SHANK1: variants seen among roughly 807,000 people sequenced by gnomAD.
SHANK1 encodes SH3 and multiple ankyrin repeat domains protein 1.
Under a neutral mutation model 165.6 loss-of-function variants are expected in SHANK1, and 35 were observed. The observed-to-expected ratio is 0.21, with a 90% CI of 0.16 to 0.28. The LOEUF is 0.28. Ranked by LOEUF, SHANK1 falls within the 10% of genes least tolerant of loss-of-function variation. SHANK1 has a pLI of 1.00. For missense variants in SHANK1, 2,681 were observed against 3,036.4 expected (o/e 0.88, Z 2.75); for synonymous variants, 1,428 against 1,384.8 (o/e 1.03, Z -0.69).
rs992873445 is a variant in SHANK1, at chr19:50,670,726, C to T, written c.2674+1292G>A. On this transcript the variant is annotated intron_variant, in intron 22 of 23. Transcript: ENST00000293441. The surrounding 1 kb of genome is among the most constrained non-coding windows in gnomAD (Gnocchi z 4.1). Reference sequence around the variant, plus strand: ...CCTCAGGACCTTTGCAGAGGTAGTTCGCTCTGCCTGGAATGCCTCAACCCC... The same window carrying T: ...CCTCAGGACCTTTGCAGAGGTAGTTTGCTCTGCCTGGAATGCCTCAACCCC... Among the ~76,000 whole-genome samples, 7 of 152,174 alleles carry T rather than the reference C, an allele frequency of 4.6e-5. No individual in the cohort carries two copies. The highest frequency in any genetic ancestry group is 2.1e-4 in the South Asian group (1 of 4,832).
Position 50,697,072 on chromosome 19 carries a change from C to G in SHANK1, c.1964+24G>C. 6.2e-7 allele frequency: 1 copy of G among 1,601,660 alleles called. No individual in the cohort carries two copies. Among genetic ancestry groups the G allele is most frequent in the South Asian group, 1.1e-5 (1 of 90,756 alleles). ...CCGTCCTTCCCCTCCTGACCCCATC[C>G]CCTCCCTGCCCCTCGCCTCTCACCT... On this transcript the variant is annotated intron_variant, in intron 15 of 23. Coordinates refer to ENST00000293441, the MANE Select transcript of SHANK1 (RefSeq NM_016148.5). This position sits in a 1 kb window ranked among gnomAD's most constrained non-coding sequence, Gnocchi z 4.7.
intron 21 of SHANK1, among the ~76,000 whole-genome samples, chr19:50,679,907 G>T (rs1290217126): frequency 6.6e-6 from 1 of 151,890 alleles, no homozygotes; most frequent in African/African-American, 2.4e-5. Flanking sequence ...GAGATGGAGA[G>T]ACAGAGACAG....
Position 50,698,465 on chromosome 19 carries a change from T to C in SHANK1, c.1748-509A>G, listed in dbSNP as rs189404670. On this transcript the variant is annotated intron_variant, in intron 12 of 23. Transcript: ENST00000293441. The stretch of plus-strand genomic sequence containing the variant: ...CTCTAGAAGGGAAAAGAGATTAGCA[T>C]CACCTCTTTCCTTCTCTCCCTCTCC... Among the ~76,000 whole-genome samples the C allele has an allele frequency of 3.5e-3, 529 of 152,256 alleles. 2 individuals carry two copies. Among genetic ancestry groups the C allele is most frequent in the African/African-American group, 0.012 (478 of 41,538 alleles).
rs757479994 is a variant in SHANK1, at chr19:50,688,082, C to G, written c.2173-24G>C. On this transcript the variant is annotated intron_variant, in intron 17 of 23. Transcript: ENST00000293441. This position sits in a 1 kb window ranked among gnomAD's most constrained non-coding sequence, Gnocchi z 6.7. ...ACCTGTGGCACAGACACCCCCAGAT[C>G]ACACAGAGTAGACGAGGGGAGGGGT... The G allele has an allele frequency of 1.9e-6, 3 of 1,613,264 alleles. No individual in the cohort carries two copies. The highest frequency in any genetic ancestry group is 1.1e-5 in the South Asian group (1 of 91,062).
chr19:50,703,433 A>G, intron 11 of SHANK1, 67 bp downstream of exon 11: 1 of 1,370,084 alleles, frequency 7.3e-7, no homozygotes, highest in Non-Finnish European at 9.9e-7. Flanking sequence ...GCCTCGGGGG[A>G]AGCCGCCGAT....
At chr19:50,674,585 G>A (rs1014326966) in intron 21 of SHANK1, among the ~76,000 whole-genome samples, 5 of 151,976 alleles carry the variant, frequency 3.3e-5, no homozygotes, top group Admixed American at 1.3e-4. Flanking sequence ...ACCCTGGCCC[G>A]GCTACCCGCT....
At position 50,697,792 on chromosome 19, in the gene SHANK1, G is replaced by A. The variant is rs1212304893; in HGVS notation, c.1861+51C>T. On this transcript the variant is annotated intron_variant, in intron 13 of 23. Transcript: ENST00000293441. The surrounding 1 kb of genome is among the most constrained non-coding windows in gnomAD (Gnocchi z 4.7). ...ACCCCCATTAGGAAGGGAAAGGAGT[G>A]GACGTGGGAATCCTAGGGTCCATTG... 6.5e-7 allele frequency: 1 copy of A among 1,541,358 alleles called. No individual in the cohort carries two copies. Among genetic ancestry groups the A allele is most frequent in the Middle Eastern group, 1.7e-4 (1 of 5,898 alleles).
At chr19:50,701,422 A>T (rs1190144952) in intron 12 of SHANK1, among the ~76,000 whole-genome samples, 1 of 149,956 alleles carries the variant, frequency 6.7e-6, no homozygotes, top group Non-Finnish European at 1.5e-5. Flanking sequence ...CAAACTCCTG[A>T]TCTCAGGTGA....
chr19:50,689,301 T>TTTTG, intron 15 of SHANK1, 22 bp from the exon 16 acceptor site: 1 of 756,198 alleles, frequency 1.3e-6, no homozygotes, highest in Non-Finnish European at 2.0e-6. Flanking sequence ...GCAGGAGAAA[T>TTTTG]GGGGGGGTGG....
At position 50,672,124 on chromosome 19, in the gene SHANK1, G is replaced by A. The variant is rs1237185797; in HGVS notation, c.2578-10C>T. ...GGGGATCGAAGCTCGACTTTGGAGC[G>A]GCAGTCAGAGGGGGAGAGAGAGAAA... is the stretch of plus-strand genomic sequence containing the variant. On this transcript the variant is annotated splice_polypyrimidine_tract_variant and intron_variant, in intron 21 of 23. Transcript: ENST00000293441. 11 of 1,604,040 alleles carry A rather than the reference G, an allele frequency of 6.9e-6. No individual in the cohort carries two copies. Among genetic ancestry groups the A allele is most frequent in the Non-Finnish European group, 9.4e-6 (11 of 1,172,216 alleles).
rs1985089555 is a variant in SHANK1 at position 50,659,260 on chromosome 19, G to C, written c.*2705C>G. ...AGGAAGGAGGCGGGGCCGGCTCGAG[G>C]GGGTGGATACTGTGAGTTTAATTAT... On this transcript the variant is annotated 3_prime_UTR_variant, in exon 24 of 24. Transcript: ENST00000293441. The C allele has an allele frequency of 1.2e-6, 1 of 807,942 alleles. No homozygotes were observed. Among genetic ancestry groups the C allele is most frequent in the African/African-American group, 1.8e-5 (1 of 55,334 alleles). The allele number at this position is 807,942 out of a possible 1,614,324, so 50.0% of individuals were successfully genotyped here. A position where few individuals can be genotyped will look rare whatever the true frequency, so the allele number is the denominator to read the frequency against.
In SHANK1 at chr19:50,668,456, G is replaced by T; in HGVS notation, c.3504C>A (p.Ser1168Arg). 7.5e-7 allele frequency: 1 copy of T among 1,334,070 alleles called. No homozygotes were observed. Among genetic ancestry groups the T allele is most frequent in the East Asian group, 2.8e-5 (1 of 35,090 alleles). The allele number at this position is 1,334,070 out of a possible 1,614,324, so 82.6% of individuals were successfully genotyped here. Reference protein sequence around the residue: ...IIIKAPSTSSSGRSSQGSSTE... With the variant: ...IIIKAPSTSSRGRSSQGSSTE... ...TGCTGCTGCCCTGGCTGCTGCGGCC[G>T]CTGCTACTGGTGGACGGGGCCTTGA... Residue 1168 changes from serine to arginine, a missense_variant, in exon 23 of 24, where the codon AGC (serine) becomes AGA (arginine). Transcript: ENST00000293441.
At position 50,686,729 on chromosome 19, in the gene SHANK1, G is replaced by A. The variant is rs751048687; in HGVS notation, c.2458+15C>T. On this transcript the variant is annotated intron_variant, in intron 20 of 23. Coordinates refer to ENST00000293441, the MANE Select transcript of SHANK1 (RefSeq NM_016148.5). This position sits in a 1 kb window ranked among gnomAD's most constrained non-coding sequence, Gnocchi z 5.7. ...GGGGCCCGGCATCCCGAGGAGCAGG[G>A]CTGGGCCGTCTTACTGAGAGCCATC... 1.3e-5 allele frequency: 21 copies of A among 1,612,792 alleles called. No individual in the cohort carries two copies. Among genetic ancestry groups the A allele is most frequent in the Non-Finnish European group, 1.8e-5 (21 of 1,179,052 alleles).
intron 12 of SHANK1, among the ~76,000 whole-genome samples, chr19:50,698,778 C>T (rs1168835298): frequency 6.6e-6 from 1 of 152,208 alleles, no homozygotes; most frequent in African/African-American, 2.4e-5. Flanking sequence ...GCTCAGTCTG[C>T]TTCCAGAGGG....
chr19:50,715,055 G>T (rs2123205303), intron 4 of SHANK1, among the ~76,000 whole-genome samples: 1 of 152,176 alleles, frequency 6.6e-6, no homozygotes, highest in Non-Finnish European at 1.5e-5. Context: ...AGGAGGGACT[G>T]GGAGTTTTTC....
chr19:50,704,379 T>A (rs2088912405), intron 9 of SHANK1, 58 bp downstream of exon 9: 1 of 1,478,742 alleles, frequency 6.8e-7, no homozygotes, highest in African/African-American at 1.4e-5. Flanking sequence ...CCACTGGGTG[T>A]CACTGTCACC....
At chr19:50,665,342 A>G (rs566534104) in intron 23 of SHANK1, among the ~76,000 whole-genome samples, 21 of 152,098 alleles carry the variant, frequency 1.4e-4, no homozygotes, top group African/African-American at 5.1e-4. Flanking sequence ...GGTGGGATGA[A>G]TCACCTTAGG....
At chr19:50,711,038 T>G in intron 8 of SHANK1, 1 of 229,370 alleles carries the variant, frequency 4.4e-6, no homozygotes, top group Non-Finnish European at 8.6e-6. Context: ...CCCGCAGGGA[T>G]CTGGATTCCC....
intron 15 of SHANK1, among the ~76,000 whole-genome samples, chr19:50,691,619 T>A (rs1429601222): frequency 6.6e-6 from 1 of 152,232 alleles, no homozygotes; most frequent in East Asian, 1.9e-4. Flanking sequence ...ATCATTAAAT[T>A]GTCTTCTCAT....
Sources: gnomAD v4.1 joint callset for allele counts (sites outside exome capture counted in the v4.1 genomes callset) on GRCh38, gnomAD v4.1.1 for gene constraint, Gnocchi (gnomAD v3.1) non-coding constraint, MANE v1.5 for transcripts, NCBI Gene and HGNC (gene_info 2026-07-23, HGNC 2026-07-21) for gene names.